ANO2: variants seen among roughly 807,000 people sequenced by gnomAD.
ANO2 encodes the protein anoctamin-2.
ANO2 carries 101 observed loss-of-function variants against 124.2 expected under a neutral mutation model. That is an observed-to-expected ratio of 0.81 (90% CI 0.69 to 0.96). The LOEUF (loss-of-function observed/expected upper bound fraction) is 0.96. Ranked by LOEUF, ANO2 falls within the 40% of genes least tolerant of loss-of-function variation. The pLI, the probability that ANO2 is intolerant of heterozygous loss-of-function variation, is 0.00. For synonymous variants in ANO2, 486 were observed against 482.5 expected (o/e 1.01, Z -0.09); for missense variants, 1,293 against 1,274.5 (o/e 1.01, Z -0.22).
chr12:5,827,416 T>C (rs1953990471), intron 7 of ANO2, among the ~76,000 whole-genome samples: 1 of 152,166 alleles, frequency 6.6e-6, no homozygotes, highest in Admixed American at 6.5e-5. Context: ...TCTAAGACGC[T>C]TTTCTTGGGT....
intron 4 of ANO2, among the ~76,000 whole-genome samples, chr12:5,851,490 A>AT (rs1954901911): frequency 6.6e-6 from 1 of 152,072 alleles, no homozygotes; most frequent in East Asian, 1.9e-4. Flanking sequence ...ATTCGAGACC[A>AT]GCTGGCCAAC....
At chr12:5,907,242 T>A (rs1940762904) in intron 3 of ANO2, among the ~76,000 whole-genome samples, 1 of 152,222 alleles carries the variant, frequency 6.6e-6, no homozygotes. Context: ...TGATATTGGT[T>A]CTCCATTTCT....
intron 3 of ANO2, among the ~76,000 whole-genome samples, chr12:5,857,338 G>T (rs1189616750): frequency 1.3e-5 from 2 of 152,104 alleles, no homozygotes. Flanking sequence ...TAAACATGGG[G>T]GTGCAGGTAT....
intron 20 of ANO2, among the ~76,000 whole-genome samples, chr12:5,590,365 G>A (rs1943335241): frequency 6.6e-6 from 1 of 152,216 alleles, no homozygotes; most frequent in Non-Finnish European, 1.5e-5. Flanking sequence ...CCTACTGGAT[G>A]GGAGGCACAT....
chr12:5,821,538 G>A (rs931243312), intron 7 of ANO2, among the ~76,000 whole-genome samples: 4 of 152,234 alleles, frequency 2.6e-5, no homozygotes, highest in African/African-American at 9.6e-5. Context: ...AATGGTGCTT[G>A]AGGTGTCAGT....
intron 10 of ANO2, among the ~76,000 whole-genome samples, chr12:5,774,375 A>T (rs1952169035): frequency 6.6e-6 from 1 of 152,160 alleles, no homozygotes; most frequent in Non-Finnish European, 1.5e-5. Context: ...CTGAGGTGGG[A>T]GGATGCCTTG....
intron 1 of ANO2, among the ~76,000 whole-genome samples, chr12:5,939,351 A>G (rs914994588): frequency 1.3e-5 from 2 of 152,114 alleles, no homozygotes; most frequent in Non-Finnish European, 2.9e-5. Flanking sequence ...CTTCTTTTCA[A>G]CATTTCAATT....
intron 10 of ANO2, among the ~76,000 whole-genome samples, chr12:5,789,697 T>C (rs1952642354): frequency 6.6e-6 from 1 of 152,236 alleles, no homozygotes; most frequent in African/African-American, 2.4e-5. Context: ...TTGTGTATTT[T>C]TTTTCCTTTC....
At chr12:5,643,342 C>T (rs889941046) in intron 15 of ANO2, among the ~76,000 whole-genome samples, 7 of 152,150 alleles carry the variant, frequency 4.6e-5, no homozygotes, top group Admixed American at 6.5e-5. Context: ...ATTCTTTCAT[C>T]TTGTTTTTTT....
At position 5,658,325 on chromosome 12, in the gene ANO2, T is replaced by C. The variant is rs1008800175; in HGVS notation, c.1546-10524A>G. Among the ~76,000 whole-genome samples, 1 of 152,214 alleles carries C rather than the reference T, an allele frequency of 6.6e-6. No homozygotes were observed. The highest frequency in any genetic ancestry group is 2.4e-5 in the African/African-American group (1 of 41,446). ...AATGAGGTAATGCATGGAATATACA[T>C]AGAACTGTCCCTGGCACATAGTTAG... On this transcript the variant is annotated intron_variant, in intron 14 of 24. Transcript: ENST00000682330. The surrounding 1 kb of genome is among the most constrained non-coding windows in gnomAD (Gnocchi z 4.3).
intron 10 of ANO2, among the ~76,000 whole-genome samples, chr12:5,759,268 G>A (rs12304387): frequency 0.016 from 2,447 of 151,956 alleles, 63 homozygotes; most frequent in African/African-American, 0.052. Context: ...TCAAATTTCC[G>A]AAAACCAAAG....
At chr12:5,923,585 G>C (rs980944010) in intron 1 of ANO2, among the ~76,000 whole-genome samples, 1 of 152,148 alleles carries the variant, frequency 6.6e-6, no homozygotes, top group Non-Finnish European at 1.5e-5. Flanking sequence ...GGGTCCTCAC[G>C]CACCTGCTGC....
At chr12:5,800,477 G>A (rs1415938523) in intron 9 of ANO2, among the ~76,000 whole-genome samples, 9 of 152,230 alleles carry the variant, frequency 5.9e-5, no homozygotes, top group Non-Finnish European at 1.2e-4. Flanking sequence ...AGTGATCAGA[G>A]GCATAGGGAA....
chr12:5,666,612 AAC>A (rs1378263970), intron 14 of ANO2, among the ~76,000 whole-genome samples: 14 of 152,222 alleles, frequency 9.2e-5, no homozygotes, highest in African/African-American at 3.4e-4. Flanking sequence ...GAAAAAATAA[AAC>A]AGTTTTCAGA....
chr12:5,603,962 A>G (rs953481654), intron 19 of ANO2, among the ~76,000 whole-genome samples: 8 of 151,480 alleles, frequency 5.3e-5, no homozygotes, highest in Non-Finnish European at 3.0e-5. Context: ...AAAAAAAAAA[A>G]AAAGAAAATG....
chr12:5,678,852 G>A (rs938900766), intron 14 of ANO2, among the ~76,000 whole-genome samples: 4 of 152,224 alleles, frequency 2.6e-5, no homozygotes, highest in Non-Finnish European at 5.9e-5. Flanking sequence ...AGGTATATCC[G>A]TGAAGATCTC....
intron 24 of ANO2, among the ~76,000 whole-genome samples, chr12:5,565,014 G>A (rs547632903): frequency 6.6e-6 from 1 of 152,290 alleles, no homozygotes; most frequent in South Asian, 2.1e-4. Flanking sequence ...TGCAATTGGA[G>A]CTGTGGCTAT....
chr12:5,898,757 G>A (rs891593849), intron 3 of ANO2, among the ~76,000 whole-genome samples: 3 of 152,178 alleles, frequency 2.0e-5, no homozygotes, highest in African/African-American at 7.2e-5. Flanking sequence ...CTGGAAGGAG[G>A]CCCAAGGGGG....
intron 14 of ANO2, among the ~76,000 whole-genome samples, chr12:5,720,440 A>C (rs1433585363): frequency 6.6e-6 from 1 of 152,164 alleles, no homozygotes; most frequent in East Asian, 1.9e-4. Flanking sequence ...AAGTGAAATA[A>C]CGACCTTGGC....
Sources: allele counts gnomAD v4.1 joint callset (sites outside exome capture counted in the v4.1 genomes callset), GRCh38; gene constraint gnomAD v4.1.1; non-coding constraint Gnocchi (gnomAD v3.1); transcripts MANE v1.5; gene names NCBI Gene and HGNC (gene_info 2026-07-23, HGNC 2026-07-21).